PCSK5: variants seen among roughly 807,000 people sequenced by gnomAD.
The protein encoded by PCSK5 is proprotein convertase subtilisin/kexin type 5, also known as prohormone convertase 5.
Under a neutral mutation model 233.2 loss-of-function variants are expected in PCSK5, and 129 were observed. That is an observed-to-expected ratio of 0.55 (90% CI 0.48 to 0.64). The LOEUF is 0.64. Among genes scored for constraint, PCSK5 ranks in the 30% least tolerant of loss-of-function variants. The pLI, the probability that PCSK5 is intolerant of heterozygous loss-of-function variation, is 0.00. For synonymous variants in PCSK5, 825 were observed against 879.2 expected (o/e 0.94, Z 1.09); for missense variants, 2,076 against 2,430.1 (o/e 0.85, Z 3.06).
At chr9:76,196,822 C>CACAT (rs1287025130) in intron 20 of PCSK5, among the ~76,000 whole-genome samples, 1 of 152,106 alleles carries the variant, frequency 6.6e-6, no homozygotes, top group Non-Finnish European at 1.5e-5. Context: ...AAAACTGGGC[C>CACAT]ACATAGACTT....
intron 35 of PCSK5, among the ~76,000 whole-genome samples, chr9:76,340,679 A>C: frequency 6.9e-6 from 1 of 145,430 alleles, no homozygotes; most frequent in Non-Finnish European, 1.5e-5. Context: ...TTGTTTCTCC[A>C]CTCTCCCCTC....
intron 3 of PCSK5, among the ~76,000 whole-genome samples, chr9:76,001,037 A>C (rs946800506): frequency 3.3e-5 from 5 of 152,066 alleles, no homozygotes; most frequent in African/African-American, 1.2e-4. Flanking sequence ...TTTACATATA[A>C]AATAGCCCAT....
chr9:76,341,325 A>G (rs1829829255), intron 35 of PCSK5, among the ~76,000 whole-genome samples: 1 of 152,166 alleles, frequency 6.6e-6, no homozygotes, highest in Non-Finnish European at 1.5e-5. Context: ...TATGGATACT[A>G]TGTCTTCATT....
intron 35 of PCSK5, among the ~76,000 whole-genome samples, chr9:76,339,890 C>A (rs1203499078): frequency 6.6e-6 from 1 of 151,208 alleles, no homozygotes; most frequent in Non-Finnish European, 1.5e-5. Context: ...TCCCAGCAGT[C>A]CCCTTAACTT....
rs143573329 is a variant in PCSK5, at chr9:75,919,556, A to G, written c.193-12823A>G. Among the ~76,000 whole-genome samples, 605 of 152,354 alleles carry G rather than the reference A, an allele frequency of 4.0e-3. 3 individuals carry two copies. Among genetic ancestry groups the G allele is most frequent in the African/African-American group, 0.014 (569 of 41,582 alleles). On this transcript the variant is annotated intron_variant, in intron 1 of 37. Coordinates refer to ENST00000674117, the MANE Select transcript of PCSK5 (RefSeq NM_001372043.1). Reference sequence around the variant, plus strand: ...GTTTTCCAAGTATTCCCAACAATGTATGAGTGTTCCACTTACCCCACATCC... The same window carrying G: ...GTTTTCCAAGTATTCCCAACAATGTGTGAGTGTTCCACTTACCCCACATCC...
intron 15 of PCSK5, among the ~76,000 whole-genome samples, chr9:76,180,414 G>A (rs1026465860): frequency 1.2e-4 from 19 of 152,056 alleles, no homozygotes; most frequent in African/African-American, 3.9e-4. Flanking sequence ...ACATTTTCCA[G>A]CACATAGGCC....
intron 2 of PCSK5, among the ~76,000 whole-genome samples, chr9:75,954,124 A>G (rs760504856): frequency 3.3e-5 from 5 of 152,236 alleles, no homozygotes; most frequent in Non-Finnish European, 7.3e-5. Flanking sequence ...ACACAGAAGT[A>G]CAGAAAACCA....
Position 76,039,749 on chromosome 9 carries a change from G to A in PCSK5, c.632+12712G>A, listed in dbSNP as rs373950378. ...TTCCTGTGAGCCGTTCTACAGCTTTGAGAAGCTTGGTATATGATTTGGGTG... is the reference window on the plus strand; with the variant it reads ...TTCCTGTGAGCCGTTCTACAGCTTTAAGAAGCTTGGTATATGATTTGGGTG... On this transcript the variant is annotated intron_variant, in intron 5 of 37. Coordinates refer to ENST00000674117, the MANE Select transcript of PCSK5 (RefSeq NM_001372043.1). 1.2e-3 allele frequency among the ~76,000 whole-genome samples: 181 copies of A among 152,272 alleles called. 7 individuals are homozygous for A. The South Asian group carries it at 0.034, about 29-fold the overall frequency.
rs564534244 is a variant in PCSK5 at position 75,914,202 on chromosome 9, A to G, written c.193-18177A>G. Among the ~76,000 whole-genome samples, 94 of 152,250 alleles carry G rather than the reference A, an allele frequency of 6.2e-4. 1 individual carries two copies. Among genetic ancestry groups the G allele is most frequent in the African/African-American group, 2.2e-3 (90 of 41,550 alleles). ...ACCAATTATTAACTCAACCAGATAG[A>G]TTTACTTGAGTGTTATCATAAAGGG... On this transcript the variant is annotated intron_variant, in intron 1 of 37. Coordinates refer to ENST00000674117, the MANE Select transcript of PCSK5 (RefSeq NM_001372043.1).
In PCSK5 at chr9:75,932,494, C is replaced by A. The variant is rs765053440; in HGVS notation, c.297+11C>A. The A allele has an allele frequency of 1.8e-5, 27 of 1,505,804 alleles. No homozygotes were observed. The highest frequency in any genetic ancestry group is 2.4e-5 in the Non-Finnish European group (26 of 1,081,320). 93.3% of individuals were successfully genotyped at this position (1,505,804 alleles called of 1,614,324 possible). ...TCAATGGAACCAAAGGTAAGAAGAA[C>A]CAGTTGCGTGGGGACCAAGAGGCAA... On this transcript the variant is annotated intron_variant, in intron 2 of 37. Coordinates refer to ENST00000674117, the MANE Select transcript of PCSK5 (RefSeq NM_001372043.1).
chr9:76,189,452 A>G (rs1336371348), intron 19 of PCSK5, among the ~76,000 whole-genome samples, 179 bp from the exon 20 acceptor site: 3 of 152,214 alleles, frequency 2.0e-5, no homozygotes, highest in South Asian at 4.1e-4. Flanking sequence ...TACATGCTCC[A>G]TACCCTTTAA....
At chr9:76,015,023 G>C (rs1827890216) in intron 3 of PCSK5, among the ~76,000 whole-genome samples, 1 of 152,142 alleles carries the variant, frequency 6.6e-6, no homozygotes, top group Non-Finnish European at 1.5e-5. Flanking sequence ...GATAATGGGG[G>C]CTGAGAAGTC....
At chr9:76,184,015 T>G (rs1823988688) in intron 16 of PCSK5, among the ~76,000 whole-genome samples, 1 of 152,218 alleles carries the variant, frequency 6.6e-6, no homozygotes, top group Non-Finnish European at 1.5e-5. Flanking sequence ...ACAGTATACT[T>G]GTTCAAATGA....
At position 75,895,131 on chromosome 9, in the gene PCSK5, C is replaced by G. The variant is rs188264696; in HGVS notation, c.192+3758C>G. Among the ~76,000 whole-genome samples, 449 of 152,260 alleles carry G rather than the reference C, an allele frequency of 2.9e-3. 1 individual carries two copies. Among genetic ancestry groups the G allele is most frequent in the Non-Finnish European group, 5.5e-3 (377 of 68,022 alleles). ...AGGATAAAACTAAATGCAAGCCATA[C>G]TGGAAAAATATTTTACCTAGAGCCC... On this transcript the variant is annotated intron_variant, in intron 1 of 37. Transcript: ENST00000674117.
At chr9:76,328,624 A>C (rs72743129) in intron 33 of PCSK5, among the ~76,000 whole-genome samples, 17,340 of 152,154 alleles carry the variant, frequency 0.11, 1,105 homozygotes, top group African/African-American at 0.13. Context: ...CTTTCCCATA[A>C]ATATTTTAGT....
At chr9:76,107,225 T>C (rs757382434) in intron 8 of PCSK5, 26 bp from the exon 9 acceptor site, 32 of 1,523,816 alleles carry the variant, frequency 2.1e-5, no homozygotes, top group Non-Finnish European at 2.9e-5. Flanking sequence ...GCCTCAGAAA[T>C]CTAAACTTTT....
At chr9:75,925,980 T>A (rs1484013504) in intron 1 of PCSK5, among the ~76,000 whole-genome samples, 1 of 152,178 alleles carries the variant, frequency 6.6e-6, no homozygotes, top group Non-Finnish European at 1.5e-5. Context: ...CAGTTTTGAG[T>A]ATTGGGAAGA....
At chr9:76,258,495 C>A in intron 24 of PCSK5, among the ~76,000 whole-genome samples, 1 of 152,134 alleles carries the variant, frequency 6.6e-6, no homozygotes. Flanking sequence ...TTATTGTGTT[C>A]AGCAGAAATA....
chr9:76,313,458 A>G (rs1828926108), intron 30 of PCSK5, among the ~76,000 whole-genome samples: 2 of 152,120 alleles, frequency 1.3e-5, no homozygotes, highest in South Asian at 4.1e-4. Flanking sequence ...CCCCAGCCCT[A>G]AGCAACCACT....
Sources: allele counts gnomAD v4.1 joint callset (sites outside exome capture counted in the v4.1 genomes callset), GRCh38; gene constraint gnomAD v4.1.1; transcripts MANE v1.5; gene names NCBI Gene and HGNC (gene_info 2026-07-23, HGNC 2026-07-21).